The following ANKS1B variants were observed in gnomAD, a reference collection of about 807,000 sequenced individuals.
The protein encoded by ANKS1B is ankyrin repeat and sterile alpha motif domain containing 1B, also known as ankyrin repeat and sterile alpha motif domain-containing protein 1B.
A neutral mutation model predicts 148.3 loss-of-function variants in ANKS1B; 36 were observed. The ratio of observed to expected loss-of-function variants is 0.24; its 90% CI spans 0.19 to 0.32. ANKS1B has a LOEUF of 0.32. Among genes scored for constraint, ANKS1B ranks in the 10% least tolerant of loss-of-function variants. The pLI is 1.00. For synonymous variants in ANKS1B, 542 were observed against 560.8 expected (o/e 0.97, Z 0.47); for missense variants, 1,157 against 1,542.6 (o/e 0.75, Z 4.19).
chr12:99,016,466 G>A (rs1298127925), intron 17 of ANKS1B, among the ~76,000 whole-genome samples: 1 of 152,180 alleles, frequency 6.6e-6, no homozygotes, highest in Non-Finnish European at 1.5e-5. Flanking sequence ...GACCAGCCTA[G>A]CCAGCATGGC....
At chr12:99,785,534 AGCGATTCTCCT>A (rs1185659138) in intron 4 of ANKS1B, among the ~76,000 whole-genome samples, 1 of 151,968 alleles carries the variant, frequency 6.6e-6, no homozygotes, top group African/African-American at 2.4e-5. Context: ...CCCAGGTGCA[AGCGATTCTCCT>A]GCCTCAGCTT....
At chr12:99,557,357 T>C (rs1353217432) in intron 9 of ANKS1B, among the ~76,000 whole-genome samples, 1 of 152,236 alleles carries the variant, frequency 6.6e-6, no homozygotes, top group Non-Finnish European at 1.5e-5. Flanking sequence ...TGTTCATTTT[T>C]TTAATTCTTT....
At chr12:99,192,400 T>C (rs1476851685) in intron 14 of ANKS1B, among the ~76,000 whole-genome samples, 11 of 152,250 alleles carry the variant, frequency 7.2e-5, no homozygotes, top group Admixed American at 2.0e-4. Context: ...CTCTAGGCCA[T>C]TGAACTGTTG....
At chr12:99,456,003 C>A (rs540679458) in intron 10 of ANKS1B, among the ~76,000 whole-genome samples, 1 of 152,106 alleles carries the variant, frequency 6.6e-6, no homozygotes, top group Non-Finnish European at 1.5e-5. Flanking sequence ...AACCAAGGAC[C>A]CTCAGAGAGT....
intron 8 of ANKS1B, among the ~76,000 whole-genome samples, chr12:99,667,687 A>G (rs1447269612): frequency 1.3e-5 from 2 of 152,222 alleles, no homozygotes; most frequent in African/African-American, 2.4e-5. Context: ...AATGTTAGTT[A>G]GCTGTGGCAT....
intron 15 of ANKS1B, among the ~76,000 whole-genome samples, chr12:99,150,911 A>G (rs1274317035): frequency 2.0e-5 from 3 of 151,998 alleles, no homozygotes; most frequent in African/African-American, 7.2e-5. Context: ...ATCTGGGCAG[A>G]TTTTCAGACA....
chr12:99,362,922 T>C (rs1426537275), intron 12 of ANKS1B, among the ~76,000 whole-genome samples: 2 of 152,064 alleles, frequency 1.3e-5, no homozygotes, highest in African/African-American at 2.4e-5. Flanking sequence ...AAGGGAATTA[T>C]GAGATAAATA....
At chr12:99,321,147 G>T (rs148510976) in intron 12 of ANKS1B, among the ~76,000 whole-genome samples, 1,838 of 152,290 alleles carry the variant, frequency 0.012, 10 homozygotes, top group Non-Finnish European at 0.018. Flanking sequence ...GGCTACTCAG[G>T]GGTCAGGGAC....
At chr12:99,365,174 C>T (rs2092698913) in intron 12 of ANKS1B, among the ~76,000 whole-genome samples, 1 of 152,144 alleles carries the variant, frequency 6.6e-6, no homozygotes, top group Admixed American at 6.5e-5. Context: ...GAGGATACCT[C>T]CTGCAGCTCC....
At position 99,403,345 on chromosome 12, in the gene ANKS1B, C is replaced by T. The variant is rs186377035; in HGVS notation, c.1576-3534G>A. Among the ~76,000 whole-genome samples the T allele has an allele frequency of 1.2e-4, 17 of 141,966 alleles. 1 individual carries two copies. The highest frequency in any genetic ancestry group is 3.6e-3 in the Middle Eastern group (1 of 280). The allele number at this position is 141,966 out of a possible 152,430, so 93.1% of individuals were successfully genotyped here. On this transcript the variant is annotated intron_variant, in intron 11 of 26. Transcript: ENST00000683438. ...CTAATTTCTGTCTTTTTAGTAGAGA[C>T]GGGGTTTTGCCGTGTTGGTCAGGCT... is the stretch of plus-strand genomic sequence containing the variant.
At chr12:99,231,901 C>T (rs1477132554) in intron 14 of ANKS1B, among the ~76,000 whole-genome samples, 1 of 152,118 alleles carries the variant, frequency 6.6e-6, no homozygotes. Flanking sequence ...AGAGCTCTGC[C>T]TGTTCTTGCA....
chr12:99,394,739 C>T (rs992046897), intron 12 of ANKS1B, among the ~76,000 whole-genome samples: 21 of 152,128 alleles, frequency 1.4e-4, no homozygotes, highest in African/African-American at 4.8e-4. Context: ...CCTTTCATTC[C>T]ATCCTTCCTC....
At chr12:98,787,896 G>A (rs1272338715) in intron 22 of ANKS1B, among the ~76,000 whole-genome samples, 1 of 151,520 alleles carries the variant, frequency 6.6e-6, no homozygotes, top group Non-Finnish European at 1.5e-5. Context: ...CTCCAGCCTG[G>A]GTGACAGAGC....
At chr12:98,981,934 C>T (rs954885288) in intron 17 of ANKS1B, among the ~76,000 whole-genome samples, 2 of 152,122 alleles carry the variant, frequency 1.3e-5, no homozygotes, top group African/African-American at 2.4e-5. Context: ...TATGAAATAC[C>T]AGTTAATCAT....
At chr12:99,709,399 G>A (rs1365688570) in intron 8 of ANKS1B, among the ~76,000 whole-genome samples, 2 of 152,168 alleles carry the variant, frequency 1.3e-5, no homozygotes, top group Non-Finnish European at 2.9e-5. Flanking sequence ...GTTTGAAGGT[G>A]TGTGGGATGT....
At chr12:99,303,983 T>C (rs1308994869) in intron 12 of ANKS1B, among the ~76,000 whole-genome samples, 1 of 152,176 alleles carries the variant, frequency 6.6e-6, no homozygotes, top group African/African-American at 2.4e-5. Flanking sequence ...GGCCGAGCAG[T>C]ATTCCATGGT....
chr12:99,615,710 G>T (rs2097951148), intron 9 of ANKS1B, among the ~76,000 whole-genome samples: 2 of 152,124 alleles, frequency 1.3e-5, no homozygotes, highest in South Asian at 4.1e-4. Flanking sequence ...AAAGCTGGAA[G>T]CATTCCCTTT....
intron 19 of ANKS1B, among the ~76,000 whole-genome samples, chr12:98,811,559 C>T (rs1298524599): frequency 6.6e-6 from 1 of 152,180 alleles, no homozygotes; most frequent in Non-Finnish European, 1.5e-5. Context: ...GATGTACATT[C>T]CTCCTGGACC....
At chr12:99,583,305 G>A (rs1329708648) in intron 9 of ANKS1B, among the ~76,000 whole-genome samples, 1 of 152,068 alleles carries the variant, frequency 6.6e-6, no homozygotes, top group Non-Finnish European at 1.5e-5. Context: ...ACAGAAACAT[G>A]AATATAAATG....
Sources: gnomAD v4.1 joint callset for allele counts (sites outside exome capture counted in the v4.1 genomes callset) on GRCh38, gnomAD v4.1.1 for gene constraint, MANE v1.5 for transcripts, NCBI Gene and HGNC (gene_info 2026-07-23, HGNC 2026-07-21) for gene names.